Variants in TRAPPC13 observed in about 807,000 individuals in gnomAD.
The protein encoded by TRAPPC13 is trafficking protein particle complex subunit 13.
In TRAPPC13, 39 loss-of-function variants were observed where a neutral mutation model predicts 54.0. The ratio of observed to expected loss-of-function variants is 0.72; its 90% CI spans 0.56 to 0.94. TRAPPC13 has a LOEUF of 0.94. Among genes scored for constraint, TRAPPC13 ranks in the 40% least tolerant of loss-of-function variants. The probability of loss-of-function intolerance (pLI) is 0.00; values close to 1 mark genes in which losing one functional copy is unlikely to be tolerated. For synonymous variants in TRAPPC13, 148 were observed against 167.7 expected, an observed-to-expected ratio of 0.88 and a Z score of 0.91; for missense variants, 386 against 488.1, an observed-to-expected ratio of 0.79 and a Z score of 1.97.
At chr5:65,643,783 C>T (rs530845392) in intron 4 of TRAPPC13, among the ~76,000 whole-genome samples, 1 of 145,328 alleles carries the variant, frequency 6.9e-6, no homozygotes, top group South Asian at 2.2e-4. Context: ...TGCCACTGCA[C>T]TCCAGCCTGG....
intron 6 of TRAPPC13, 115 bp downstream of exon 6, chr5:65,650,997 A>G: frequency 1.4e-6 from 1 of 723,434 alleles, no homozygotes; most frequent in Admixed American, 2.4e-5. Flanking sequence ...AAATAGCTCA[A>G]TATTTTTGAA....
At chr5:65,662,407 A>G (rs1756878372) in intron 11 of TRAPPC13, 1 of 271,098 alleles carries the variant, frequency 3.7e-6, no homozygotes, top group Non-Finnish European at 6.8e-6. Context: ...TTCATTGTTT[A>G]TACTTCCTTC....
At chr5:65,642,907 T>C (rs191270759) in intron 4 of TRAPPC13, among the ~76,000 whole-genome samples, 142 of 152,244 alleles carry the variant, frequency 9.3e-4, no homozygotes, top group East Asian at 7.7e-3. Flanking sequence ...AATTAAAAAT[T>C]AAAAATTGAT....
intron 11 of TRAPPC13, chr5:65,663,360 C>T (rs1468711442): frequency 6.6e-6 from 1 of 152,118 alleles, no homozygotes; most frequent in Admixed American, 6.6e-5. Context: ...ATGCACACAA[C>T]ATATATAAGT....
intron 9 of TRAPPC13, among the ~76,000 whole-genome samples, chr5:65,658,709 T>C (rs1479846036): frequency 6.6e-6 from 1 of 151,242 alleles, no homozygotes; most frequent in African/African-American, 2.4e-5. Context: ...TTTTTTATTT[T>C]ATTTTTATTT....
At chr5:65,638,341 G>A (rs1015705598) in intron 4 of TRAPPC13, among the ~76,000 whole-genome samples, 1 of 152,114 alleles carries the variant, frequency 6.6e-6, no homozygotes, top group Non-Finnish European at 1.5e-5. Context: ...CTAAATAGCA[G>A]TTTAGTATTT....
intron 6 of TRAPPC13, among the ~76,000 whole-genome samples, chr5:65,651,636 C>T: frequency 9.2e-6 from 1 of 109,008 alleles, no homozygotes; most frequent in Admixed American, 9.1e-5. Context: ...ACTGGTTTAG[C>T]ACATTTATGT....
intron 11 of TRAPPC13, 104 bp downstream of exon 11, chr5:65,662,254 A>ATACAGCC (rs1756873518): frequency 1.4e-6 from 1 of 702,470 alleles, no homozygotes; most frequent in East Asian, 3.1e-5. Flanking sequence ...TCCTCTTGAC[A>ATACAGCC]TACAGCCTTC....
At chr5:65,646,912 G>A in intron 4 of TRAPPC13, 143 bp from the exon 5 acceptor site, 2 of 743,696 alleles carry the variant, frequency 2.7e-6, no homozygotes, top group Non-Finnish European at 4.2e-6. Context: ...TATACAGAAA[G>A]GTTTACACAT....
chr5:65,647,525 A>C (rs1756258210), intron 5 of TRAPPC13, among the ~76,000 whole-genome samples: 1 of 152,082 alleles, frequency 6.6e-6, no homozygotes, highest in Non-Finnish European at 1.5e-5. Context: ...GTTTATTTTT[A>C]AATTCAGTTT....
At chr5:65,656,416 C>CT (rs1561775690) in intron 8 of TRAPPC13, among the ~76,000 whole-genome samples, 1 of 151,426 alleles carries the variant, frequency 6.6e-6, no homozygotes, top group Non-Finnish European at 1.5e-5. Context: ...GATATATGTA[C>CT]TTTTTTTTAG....
intron 8 of TRAPPC13, among the ~76,000 whole-genome samples, chr5:65,655,961 C>T (rs1195594111): frequency 6.6e-6 from 1 of 151,836 alleles, no homozygotes; most frequent in African/African-American, 2.4e-5. Context: ...TTGTGATTTT[C>T]ATCATCTTAC....
chr5:65,629,454 T>C, intron 1 of TRAPPC13: 1 of 1,411,958 alleles, frequency 7.1e-7, no homozygotes, highest in Non-Finnish European at 9.2e-7. Flanking sequence ...TTCTTTGCAA[T>C]ACTTCTACTT....
At chr5:65,629,796 A>C in intron 1 of TRAPPC13, 1 of 1,536,128 alleles carries the variant, frequency 6.5e-7, no homozygotes, top group Non-Finnish European at 8.7e-7. Flanking sequence ...GATGTGAAAC[A>C]GTACTTAACC....
intron 8 of TRAPPC13, among the ~76,000 whole-genome samples, chr5:65,656,191 A>G (rs1479815795): frequency 6.6e-6 from 1 of 152,266 alleles, no homozygotes; most frequent in East Asian, 1.9e-4. Flanking sequence ...ATCACATTAC[A>G]TATGTAATAA....
At chr5:65,647,630 C>A (rs780742411) in intron 5 of TRAPPC13, among the ~76,000 whole-genome samples, 2 of 151,950 alleles carry the variant, frequency 1.3e-5, no homozygotes, top group Non-Finnish European at 2.9e-5. Context: ...AAATCAAATT[C>A]TGTATTCCTG....
At chr5:65,639,364 G>GA (rs57867266) in intron 4 of TRAPPC13, among the ~76,000 whole-genome samples, 91 of 144,590 alleles carry the variant, frequency 6.3e-4, no homozygotes, top group Admixed American at 9.6e-4. Context: ...AATTAATTAA[G>GA]AAAAAAAAAA....
intron 4 of TRAPPC13, among the ~76,000 whole-genome samples, chr5:65,641,292 T>C (rs1179665418): frequency 3.9e-5 from 6 of 152,188 alleles, no homozygotes; most frequent in African/African-American, 1.4e-4. Flanking sequence ...GAAGCACAGC[T>C]TGATATTGAC....
At chr5:65,657,105 G>C (rs1756685342) in intron 8 of TRAPPC13, among the ~76,000 whole-genome samples, 1 of 151,934 alleles carries the variant, frequency 6.6e-6, no homozygotes, top group Non-Finnish European at 1.5e-5. Flanking sequence ...TCATAGGCCA[G>C]GCACAGTGGC....
Sources: allele counts gnomAD v4.1 joint callset (sites outside exome capture counted in the v4.1 genomes callset), GRCh38; gene constraint gnomAD v4.1.1; transcripts MANE v1.5; gene names NCBI Gene and HGNC (gene_info 2026-07-23, HGNC 2026-07-21).